Variants in OCA2 observed in about 807,000 individuals in gnomAD.
OCA2 encodes the protein OCA2 melanosomal transmembrane protein.
OCA2 carries 77 observed loss-of-function variants against 100.2 expected under a neutral mutation model. The ratio of observed to expected loss-of-function variants is 0.77; its 90% CI spans 0.64 to 0.93. The LOEUF (loss-of-function observed/expected upper bound fraction) is 0.93, where lower values mean the gene tolerates loss of function less well. Among genes scored for constraint, OCA2 ranks in the 40% least tolerant of loss-of-function variants. The probability of loss-of-function intolerance (pLI) is 0.00; values close to 1 mark genes in which losing one functional copy is unlikely to be tolerated. For synonymous variants in OCA2, 432 were observed against 439.2 expected (o/e 0.98, Z 0.21); for missense variants, 1,062 against 1,089.1 (o/e 0.98, Z 0.35).
chr15:27,967,271 G>A (rs1340456572), intron 14 of OCA2, among the ~76,000 whole-genome samples: 5 of 152,196 alleles, frequency 3.3e-5, no homozygotes, highest in African/African-American at 1.2e-4. Flanking sequence ...AGAGGTCCTG[G>A]AGCCCAACAC....
At chr15:27,720,758 A>G in the OCA2 span, among the ~76,000 whole-genome samples, 9 of 152,326 alleles carry the variant, frequency 5.9e-5, no homozygotes, top group East Asian at 1.5e-3. Flanking sequence ...ACATGTCACA[A>G]TTGACCAAAT....
chr15:27,747,180 C>G, the OCA2 span, among the ~76,000 whole-genome samples: 1 of 152,196 alleles, frequency 6.6e-6, no homozygotes, highest in Non-Finnish European at 1.5e-5. Context: ...GGGGACTCCA[C>G]CCCAGCCTCA....
chr15:27,984,459 G>A (rs2041275463), intron 13 of OCA2, among the ~76,000 whole-genome samples: 1 of 152,220 alleles, frequency 6.6e-6, no homozygotes, highest in Admixed American at 6.5e-5. Flanking sequence ...GTCTCACTCA[G>A]AGGCCTCCCA....
intron 2 of OCA2, among the ~76,000 whole-genome samples, chr15:28,036,121 T>C (rs2043038439): frequency 6.6e-6 from 1 of 152,232 alleles, no homozygotes; most frequent in Non-Finnish European, 1.5e-5. Flanking sequence ...TACAATGTGA[T>C]TTTTAAATGC....
chr15:27,798,944 C>T (rs922688274), intron 23 of OCA2, among the ~76,000 whole-genome samples: 13 of 152,184 alleles, frequency 8.5e-5, no homozygotes, highest in African/African-American at 3.1e-4. Flanking sequence ...TCCTTGAGCA[C>T]AACCCAGATG....
At chr15:27,829,258 A>C (rs2034851590) in intron 23 of OCA2, among the ~76,000 whole-genome samples, 1 of 142,886 alleles carries the variant, frequency 7.0e-6, no homozygotes, top group Non-Finnish European at 1.5e-5. Context: ...TGATTGATAG[A>C]GACAAGAGAT....
At chr15:27,948,098 C>T (rs930985106) in intron 18 of OCA2, among the ~76,000 whole-genome samples, 6 of 152,224 alleles carry the variant, frequency 3.9e-5, no homozygotes, top group African/African-American at 1.4e-4. Flanking sequence ...TGCAGACACA[C>T]AGACCATGTC....
At chr15:27,958,218 G>A (rs1478092409) in intron 15 of OCA2, among the ~76,000 whole-genome samples, 7 of 152,124 alleles carry the variant, frequency 4.6e-5, no homozygotes, top group African/African-American at 1.4e-4. Context: ...AAATTATCAC[G>A]AAAGCGAAGT....
chr15:27,739,224 G>A, the OCA2 span, among the ~76,000 whole-genome samples: 4 of 152,154 alleles, frequency 2.6e-5, no homozygotes, highest in Admixed American at 2.6e-4. Context: ...CCAGGCTGCA[G>A]CATCCTTTAA....
intron 18 of OCA2, among the ~76,000 whole-genome samples, chr15:27,944,227 G>A (rs768621657): frequency 2.6e-5 from 4 of 152,182 alleles, no homozygotes; most frequent in Admixed American, 6.5e-5. Context: ...GCATCAGTGA[G>A]AAAATTATGA....
At chr15:28,052,092 C>T (rs1462047985) in intron 2 of OCA2, among the ~76,000 whole-genome samples, 2 of 152,126 alleles carry the variant, frequency 1.3e-5, no homozygotes, top group Non-Finnish European at 2.9e-5. Context: ...GCTGAATGGC[C>T]CTGACCACCT....
intron 23 of OCA2, among the ~76,000 whole-genome samples, chr15:27,827,742 T>C (rs2034788589): frequency 6.6e-6 from 1 of 152,204 alleles, no homozygotes; most frequent in Non-Finnish European, 1.5e-5. Flanking sequence ...GAGAGCTGAA[T>C]ATAGACGTAT....
chr15:27,859,733 A>T (rs2036063997), intron 21 of OCA2, among the ~76,000 whole-genome samples: 2 of 152,198 alleles, frequency 1.3e-5, no homozygotes, highest in Non-Finnish European at 2.9e-5. Context: ...AAAACTACAG[A>T]TCAATGTTCC....
At chr15:27,926,594 T>C (rs776632098) in intron 18 of OCA2, among the ~76,000 whole-genome samples, 1 of 152,146 alleles carries the variant, frequency 6.6e-6, no homozygotes, top group Non-Finnish European at 1.5e-5. Context: ...GCAGGTTTTC[T>C]GTAAATTGCA....
At chr15:27,852,399 G>T (rs903712526) in intron 21 of OCA2, among the ~76,000 whole-genome samples, 1 of 152,136 alleles carries the variant, frequency 6.6e-6, no homozygotes, top group Non-Finnish European at 1.5e-5. Flanking sequence ...TGAGGGCTCT[G>T]TTCTGTTCCA....
At chr15:27,736,119 AAAAT>A in the OCA2 span, among the ~76,000 whole-genome samples, 3 of 150,732 alleles carry the variant, frequency 2.0e-5, no homozygotes, top group East Asian at 5.8e-4. Context: ...TGCTAATTAA[AAAAT>A]AAAATAATAA....
intron 19 of OCA2, among the ~76,000 whole-genome samples, chr15:27,906,119 A>G (rs540789986): frequency 7.2e-5 from 11 of 152,372 alleles, no homozygotes; most frequent in Non-Finnish European, 1.6e-4. Context: ...ATAGCATGAT[A>G]GGGCCACTAT....
intron 9 of OCA2, among the ~76,000 whole-genome samples, chr15:28,007,220 G>A (rs1044179324): frequency 6.6e-6 from 1 of 152,188 alleles, no homozygotes; most frequent in Non-Finnish European, 1.5e-5. Context: ...TGGAGAAAAT[G>A]CACTGTCTCA....
chr15:27,976,838 A>G (rs565353449), intron 14 of OCA2, among the ~76,000 whole-genome samples: 15 of 152,184 alleles, frequency 9.9e-5, no homozygotes, highest in South Asian at 4.2e-4. Flanking sequence ...TTCCTTAACT[A>G]TTTGGGAGAA....
Sources: allele counts gnomAD v4.1 joint callset (sites outside exome capture counted in the v4.1 genomes callset), GRCh38; gene constraint gnomAD v4.1.1; transcripts MANE v1.5; gene names NCBI Gene and HGNC (gene_info 2026-07-23, HGNC 2026-07-21).